SEPTIN9: variants seen among roughly 807,000 people sequenced by gnomAD.
SEPTIN9 encodes the protein septin 9.
SEPTIN9 carries 13 observed loss-of-function variants against 56.6 expected under a neutral mutation model. The ratio of observed to expected loss-of-function variants is 0.23; its 90% CI spans 0.15 to 0.37. The LOEUF is 0.37. Among genes scored for constraint, SEPTIN9 ranks in the 10% least tolerant of loss-of-function variants. SEPTIN9 has a pLI of 1.00. For missense variants in SEPTIN9, 650 were observed against 823.1 expected, an observed-to-expected ratio of 0.79 and a Z score of 2.57; for synonymous variants, 332 against 334.1, an observed-to-expected ratio of 0.99 and a Z score of 0.07.
Position 77,484,889 on chromosome 17 carries a change from ATGG to A in SEPTIN9, c.914-2523_914-2521del, listed in dbSNP as rs1249074849. Among the ~76,000 whole-genome samples, 534 of 62,080 alleles carry A rather than the reference ATGG, an allele frequency of 8.6e-3. 23 individuals are homozygous for A. Among genetic ancestry groups the A allele is most frequent in the African/African-American group, 0.041 (488 of 11,858 alleles). The allele number at this position is 62,080 out of a possible 152,430, so 40.7% of individuals were successfully genotyped here. ...GGTGATTGTGATGGTTGTGATTGTG[ATGG>A]TGGTGGTGGTGATGGTGATGATGGT... is the stretch of plus-strand genomic sequence containing the variant. On this transcript the variant is annotated intron_variant, in intron 4 of 11. Transcript: ENST00000427177.
chr17:77,377,658 C>A (rs1462509019), intron 2 of SEPTIN9, among the ~76,000 whole-genome samples: 1 of 152,076 alleles, frequency 6.6e-6, no homozygotes, highest in African/African-American at 2.4e-5. Flanking sequence ...GTGGGAAGGA[C>A]CATGTGGATA....
At chr17:77,480,253 G>T (rs567040182) in intron 3 of SEPTIN9, among the ~76,000 whole-genome samples, 1 of 152,244 alleles carries the variant, frequency 6.6e-6, no homozygotes, top group Non-Finnish European at 1.5e-5. Context: ...AGGCTGAGAA[G>T]ACGGGGAGGT....
intron 2 of SEPTIN9, among the ~76,000 whole-genome samples, chr17:77,399,578 C>T (rs1307614333): frequency 6.6e-6 from 1 of 152,176 alleles, no homozygotes; most frequent in Non-Finnish European, 1.5e-5. Context: ...TCTGTGTCTA[C>T]CCCGTACTTC....
At position 77,285,920 on chromosome 17, in the gene SEPTIN9, A is replaced by G. The variant is rs371527330; in HGVS notation, c.19+4366A>G. On this transcript the variant is annotated intron_variant, in intron 1 of 11. Coordinates refer to ENST00000427177, the MANE Select transcript of SEPTIN9 (RefSeq NM_001113491.2). ...AGCTGACTTACGGGAAGGGCAAGGA[A>G]TTGCACCCTCAGAGAACACTTCCCC... Among the ~76,000 whole-genome samples, 87 of 152,294 alleles carry G rather than the reference A, an allele frequency of 5.7e-4. 1 individual carries two copies. In the East Asian group the frequency reaches 7.3e-3, roughly 13 times the overall value.
chr17:77,414,887 C>T (rs374627531), intron 3 of SEPTIN9, among the ~76,000 whole-genome samples: 42 of 152,154 alleles, frequency 2.8e-4, no homozygotes, highest in African/African-American at 9.7e-4. Context: ...CGATTCTAGA[C>T]ATTTCTTGTA....
At chr17:77,420,328 C>T (rs530171866) in intron 3 of SEPTIN9, among the ~76,000 whole-genome samples, 8 of 152,328 alleles carry the variant, frequency 5.3e-5, no homozygotes, top group Non-Finnish European at 8.8e-5. Context: ...TTTGCCTCCT[C>T]GGAACACTTG....
At chr17:77,281,718 C>A (rs1598454937) in intron 1 of SEPTIN9, 164 bp downstream of exon 1, 9 of 619,800 alleles carry the variant, frequency 1.5e-5, no homozygotes, top group Non-Finnish European at 2.4e-5. Context: ...CGCTGTCGGG[C>A]CGCTTTCGAC....
chr17:77,413,377 A>AT (rs1331894504), intron 3 of SEPTIN9, among the ~76,000 whole-genome samples: 4 of 151,772 alleles, frequency 2.6e-5, no homozygotes, highest in African/African-American at 7.3e-5. Flanking sequence ...ATTCATTACT[A>AT]TTTTTTTCCT....
chr17:77,363,232 G>A (rs2034472579), intron 2 of SEPTIN9, among the ~76,000 whole-genome samples: 2 of 152,164 alleles, frequency 1.3e-5, no homozygotes, highest in African/African-American at 4.8e-5. Flanking sequence ...GGGCCTGCTA[G>A]AGCCAGGAGC....
rs147456576 is a variant in SEPTIN9 at position 77,418,523 on chromosome 17, A to C, written c.721+15820A>C. 5.9e-5 allele frequency among the ~76,000 whole-genome samples: 9 copies of C among 152,140 alleles called. No individual in the cohort carries two copies. In the South Asian group the frequency reaches 8.3e-4, roughly 14 times the overall value. ...ATGGCAGGCTAGTTTTTGTATTTTT[A>C]GCAGGGACCGGTTTTCACCATGTTG... On this transcript the variant is annotated intron_variant, in intron 3 of 11. Transcript: ENST00000427177.
At chr17:77,296,858 G>GA (rs944858913) in intron 1 of SEPTIN9, among the ~76,000 whole-genome samples, 1 of 150,764 alleles carries the variant, frequency 6.6e-6, no homozygotes, top group African/African-American at 2.4e-5. Flanking sequence ...ATCTCAAAAA[G>GA]AAAAAAAAGA....
In SEPTIN9 at chr17:77,498,508, C is replaced by G. The variant is rs1421416645; in HGVS notation, c.1626-15C>G. On this transcript the variant is annotated splice_polypyrimidine_tract_variant and intron_variant, in intron 11 of 11. Coordinates refer to ENST00000427177, the MANE Select transcript of SEPTIN9 (RefSeq NM_001113491.2). ...GCGCCCACCTCACTGACCCGCCCGC[C>G]CCCCACCCCCACAGGACGCACATGC... 2.2e-6 allele frequency: 1 copy of G among 460,056 alleles called. No individual in the cohort carries two copies. The highest frequency in any genetic ancestry group is 2.6e-5 in the Admixed American group (1 of 38,438). The allele number at this position is 460,056 out of a possible 1,614,324, so 28.5% of individuals were successfully genotyped here.
intron 3 of SEPTIN9, among the ~76,000 whole-genome samples, chr17:77,444,479 G>T (rs544182103): frequency 2.6e-4 from 40 of 152,110 alleles, no homozygotes; most frequent in African/African-American, 9.6e-4. Flanking sequence ...GGGTCGGGGA[G>T]GGGGGTGTGG....
rs1366905262 is a variant in SEPTIN9, at chr17:77,405,699, C to G, written c.721+2996C>G. Among the ~76,000 whole-genome samples the G allele has an allele frequency of 1.3e-5, 2 of 152,094 alleles. No individual in the cohort carries two copies. The highest frequency in any genetic ancestry group is 2.9e-5 in the Non-Finnish European group (2 of 68,004). On this transcript the variant is annotated intron_variant, in intron 3 of 11. Transcript: ENST00000427177. The surrounding 1 kb of genome is among the most constrained non-coding windows in gnomAD (Gnocchi z 5.8). ...GATGGGAGTGGCTTCTCGGGGGGCC[C>G]AGGCCTGAGCCCCACTAGTTCTTCC...
chr17:77,495,684 C>T (rs1268331557), intron 10 of SEPTIN9, among the ~76,000 whole-genome samples: 4 of 152,228 alleles, frequency 2.6e-5, no homozygotes, highest in African/African-American at 9.6e-5. Context: ...TCTCGCTGCC[C>T]GTCAGTGTTA....
intron 1 of SEPTIN9, among the ~76,000 whole-genome samples, chr17:77,296,592 C>T (rs934361341): frequency 1.3e-5 from 2 of 152,146 alleles, no homozygotes; most frequent in African/African-American, 4.8e-5. Flanking sequence ...TGACTCTTAC[C>T]TGTAATAACC....
At chr17:77,466,494 G>A (rs2038738168) in intron 3 of SEPTIN9, 1 of 985,530 alleles carries the variant, frequency 1.0e-6, no homozygotes, top group Non-Finnish European at 1.2e-6. Context: ...GAGCGAGCCA[G>A]GGGTCACTAC....
At position 77,389,889 on chromosome 17, in the gene SEPTIN9, A is replaced by T. The variant is rs2035472585; in HGVS notation, c.77-12170A>T. ...GCTAGACCAGTGCAGCACATCTGAG[A>T]GTGTGCCAGAGGTGCTCCCATTCCC... is the stretch of plus-strand genomic sequence containing the variant. On this transcript the variant is annotated intron_variant, in intron 2 of 11. Transcript: ENST00000427177. This position sits in a 1 kb window ranked among gnomAD's most constrained non-coding sequence, Gnocchi z 4.3. 6.6e-6 allele frequency among the ~76,000 whole-genome samples: 1 copy of T among 152,142 alleles called. No individual in the cohort carries two copies. Among genetic ancestry groups the T allele is most frequent in the Non-Finnish European group, 1.5e-5 (1 of 68,022 alleles).
intron 2 of SEPTIN9, among the ~76,000 whole-genome samples, chr17:77,357,114 A>C (rs1390394385): frequency 1.3e-5 from 2 of 152,084 alleles, no homozygotes; most frequent in Non-Finnish European, 2.9e-5. Context: ...TCTGTCATGC[A>C]CTGAGGGCAC....
Sources: gnomAD v4.1 joint callset for allele counts (sites outside exome capture counted in the v4.1 genomes callset) on GRCh38, gnomAD v4.1.1 for gene constraint, Gnocchi (gnomAD v3.1) non-coding constraint, MANE v1.5 for transcripts, NCBI Gene and HGNC (gene_info 2026-07-23, HGNC 2026-07-21) for gene names.